Variants in TUBA1A observed in about 807,000 individuals in gnomAD.
TUBA1A encodes the protein tubulin alpha 1a.
Under a neutral mutation model 34.6 loss-of-function variants are expected in TUBA1A, and 7 were observed. The observed-to-expected ratio is 0.20, with a 90% CI of 0.11 to 0.38. The LOEUF (loss-of-function observed/expected upper bound fraction) is 0.38. Among genes scored for constraint, TUBA1A ranks in the 10% least tolerant of loss-of-function variants. The probability of loss-of-function intolerance (pLI) is 1.00; values close to 1 mark genes in which losing one functional copy is unlikely to be tolerated. For synonymous variants in TUBA1A, 193 were observed against 210.2 expected (o/e 0.92, Z 0.71); for missense variants, 19 against 581.3 (o/e 0.03, Z 9.95).
At chr12:49,187,621 T>C in intron 1 of TUBA1A, 1 of 985,054 alleles carries the variant, frequency 1.0e-6, no homozygotes, top group Non-Finnish European at 1.2e-6. Context: ...AAAAAGGTTT[T>C]TCCAGATCTT....
At position 49,188,594 on chromosome 12, in the gene TUBA1A, C is replaced by T. The variant is rs1393016373; in HGVS notation, c.3+383G>A. The T allele has an allele frequency of 1.4e-6, 2 of 1,450,704 alleles. No homozygotes were observed. The highest frequency in any genetic ancestry group is 1.8e-6 in the Non-Finnish European group (2 of 1,105,036). 89.9% of individuals were successfully genotyped at this position (1,450,704 alleles called of 1,614,324 possible). On this transcript the variant is annotated intron_variant, in intron 1 of 3. Transcript: ENST00000301071. The surrounding 1 kb of genome is among the most constrained non-coding windows in gnomAD (Gnocchi z 4.9). ...CTCTCCCGGTCCCCAGAGAACAACG[C>T]GAGACAGAAAGTGGCCCCTCAGCAT...
intron 1 of TUBA1A, chr12:49,187,488 C>G: frequency 1.0e-6 from 1 of 986,198 alleles, no homozygotes; most frequent in Non-Finnish European, 1.2e-6. Flanking sequence ...TCCTCTGACC[C>G]CGCCCGGGAC....
chr12:49,184,869 C>T lies in TUBA1A; in HGVS notation c.*141G>A, dbSNP rs1001712334. On this transcript the variant is annotated 3_prime_UTR_variant, in exon 4 of 4. Coordinates refer to ENST00000301071, the MANE Select transcript of TUBA1A (RefSeq NM_006009.4). Reference sequence around the variant, plus strand: ...CAGCTTGGGTCTGTAACAAAGCATTCATGTTTTAGAGCATAGGTCAGTAAT... The same window carrying T: ...CAGCTTGGGTCTGTAACAAAGCATTTATGTTTTAGAGCATAGGTCAGTAAT... The T allele has an allele frequency of 3.6e-6, 5 of 1,395,042 alleles. No individual in the cohort carries two copies. The African/African-American group carries it at 5.7e-5, about 16-fold the overall frequency. 86.4% of individuals were successfully genotyped at this position (1,395,042 alleles called of 1,614,324 possible).
Position 49,186,938 on chromosome 12 carries a change from A to C in TUBA1A, c.4-105T>G. On this transcript the variant is annotated intron_variant, in intron 1 of 3. Transcript: ENST00000301071. This position sits in a 1 kb window ranked among gnomAD's most constrained non-coding sequence, Gnocchi z 6.6. ...TCTAATAATATACAGATATTTTTCTAAATTATTTGAGGTCATATCCCCAGC... is the reference window on the plus strand; with the variant it reads ...TCTAATAATATACAGATATTTTTCTCAATTATTTGAGGTCATATCCCCAGC... The C allele has an allele frequency of 6.5e-7, 1 of 1,531,932 alleles. No individual in the cohort carries two copies. The highest frequency in any genetic ancestry group is 8.7e-7 in the Non-Finnish European group (1 of 1,144,430). 94.9% of individuals were successfully genotyped at this position (1,531,932 alleles called of 1,614,324 possible). A position where few individuals can be genotyped will look rare whatever the true frequency, so the allele number is the denominator to read the frequency against.
chr12:49,188,367 C>A lies in TUBA1A; in HGVS notation c.3+610G>T, dbSNP rs1458479217. The A allele has an allele frequency of 2.6e-6, 4 of 1,535,232 alleles. No homozygotes were observed. Among genetic ancestry groups the A allele is most frequent in the Non-Finnish European group, 8.7e-7 (1 of 1,146,322 alleles). On this transcript the variant is annotated intron_variant, in intron 1 of 3. Coordinates refer to ENST00000301071, the MANE Select transcript of TUBA1A (RefSeq NM_006009.4). The surrounding 1 kb of genome is among the most constrained non-coding windows in gnomAD (Gnocchi z 4.9). ...TAGAAGCCAGAAACAAACAACCCCG[C>A]CCCTGCGCCGCCCTGACACCCGCTG...
rs777403500 is a variant in TUBA1A, at chr12:49,185,736, A to G, written c.630T>C (p.Tyr210=). 8.7e-6 allele frequency: 14 copies of G among 1,613,986 alleles called. No individual in the cohort carries two copies. In the African/African-American group the frequency reaches 1.9e-4, roughly 22 times the overall value. The change falls in exon 4 of 4, where the codon TAT becomes TAC. Residue 210 remains tyrosine (Y), a synonymous_variant. Transcript: ENST00000301071. ...TATCGAGGTTTCTACGACAGATGTCATAGATGGCCTCATTGTCTACCATGA... is the reference window on the plus strand; with the variant it reads ...TATCGAGGTTTCTACGACAGATGTCGTAGATGGCCTCATTGTCTACCATGA... ...CAFMVDNEAI[Y]DICRRNLDIE... is the part of the protein sequence containing the mutation.
In TUBA1A at chr12:49,188,592, C is replaced by T. The variant is rs1203046310; in HGVS notation, c.3+385G>A. 5 of 1,449,252 alleles carry T rather than the reference C, an allele frequency of 3.5e-6. No homozygotes were observed. The highest frequency in any genetic ancestry group is 4.5e-6 in the Non-Finnish European group (5 of 1,105,006). The allele number at this position is 1,449,252 out of a possible 1,614,324, so 89.8% of individuals were successfully genotyped here. A position where few individuals can be genotyped will look rare whatever the true frequency, so the allele number is the denominator to read the frequency against. On this transcript the variant is annotated intron_variant, in intron 1 of 3. Coordinates refer to ENST00000301071, the MANE Select transcript of TUBA1A (RefSeq NM_006009.4). This position sits in a 1 kb window ranked among gnomAD's most constrained non-coding sequence, Gnocchi z 4.9. ...TCCTCTCCCGGTCCCCAGAGAACAA[C>T]GCGAGACAGAAAGTGGCCCCTCAGC...
rs769212646 is a variant in TUBA1A at position 49,185,373 on chromosome 12, G to A, written c.993C>T (p.Ala331=). 1.9e-6 allele frequency: 3 copies of A among 1,614,192 alleles called. No individual in the cohort carries two copies. The highest frequency in any genetic ancestry group is 2.5e-6 in the Non-Finnish European group (3 of 1,180,030). The part of the protein sequence containing the change: ...GDVVPKDVNA[A]IATIKTKRTI... ...TACGCTTGGTCTTGATGGTGGCAAT[G>A]GCAGCATTGACATCTTTGGGAACCA... is the stretch of plus-strand genomic sequence containing the variant. Residue 331 remains alanine, a synonymous_variant, in exon 4 of 4, where the codon GCC becomes GCT. Transcript: ENST00000301071.
intron 1 of TUBA1A, chr12:49,187,983 C>T (rs1306652049): frequency 1.0e-6 from 1 of 983,112 alleles, no homozygotes; most frequent in Non-Finnish European, 1.2e-6. Flanking sequence ...ACAAAGTGGG[C>T]TTTCTCCCTC....
In TUBA1A at chr12:49,185,634, A is replaced by G; in HGVS notation, c.732T>C (p.Phe244=). 1 of 1,614,042 alleles carries G rather than the reference A, an allele frequency of 6.2e-7. No individual in the cohort carries two copies. The highest frequency in any genetic ancestry group is 1.1e-5 in the South Asian group (1 of 91,080). The change falls in exon 4 of 4, where the codon TTT becomes TTC. Residue 244 remains phenylalanine, a synonymous_variant. Transcript: ENST00000301071. The stretch of plus-strand genomic sequence containing the variant: ...TCAGGTCAACATTCAGGGCTCCATC[A>G]AATCTCAGGGAAGCAGTGATGGAGG... The part of the protein sequence containing the change: ...IVSSITASLR[F]DGALNVDLTE...
rs1333637861 is a variant in TUBA1A, at chr12:49,184,827, C to T, written c.*183G>A. The T allele has an allele frequency of 4.2e-6, 4 of 955,210 alleles. No individual in the cohort carries two copies. The South Asian group carries it at 4.6e-5, about 11-fold the overall frequency. The allele number at this position is 955,210 out of a possible 1,614,324, so 59.2% of individuals were successfully genotyped here. A position where few individuals can be genotyped will look rare whatever the true frequency, so the allele number is the denominator to read the frequency against. On this transcript the variant is annotated 3_prime_UTR_variant, in exon 4 of 4. Transcript: ENST00000301071. ...AAGACAGGGAATACTTTATTCAAAA[C>T]CCATCACAGAAATGGACAGCTTGGG...
chr12:49,187,098 T>C, intron 1 of TUBA1A: 1 of 1,338,860 alleles, frequency 7.5e-7, no homozygotes, highest in Non-Finnish European at 9.6e-7. Context: ...GAATAGAAGA[T>C]TTTTCATATT....
At chr12:49,187,258 C>T in intron 1 of TUBA1A, 1 of 1,104,466 alleles carries the variant, frequency 9.1e-7, no homozygotes, top group Non-Finnish European at 1.1e-6. Context: ...ATCCGGACAT[C>T]TGTACTGCAG....
rs571426354 is a variant in TUBA1A at position 49,184,886 on chromosome 12, G to A, written c.*124C>T. The A allele has an allele frequency of 1.1e-5, 17 of 1,491,486 alleles. No individual in the cohort carries two copies. The East Asian group carries it at 2.3e-4, about 20-fold the overall frequency. 92.4% of individuals were successfully genotyped at this position (1,491,486 alleles called of 1,614,324 possible). A position where few individuals can be genotyped will look rare whatever the true frequency, so the allele number is the denominator to read the frequency against. On this transcript the variant is annotated 3_prime_UTR_variant, in exon 4 of 4. Coordinates refer to ENST00000301071, the MANE Select transcript of TUBA1A (RefSeq NM_006009.4). The stretch of plus-strand genomic sequence containing the variant: ...AAAGCATTCATGTTTTAGAGCATAG[G>A]TCAGTAATTGTATATGAGAGCATAC...
Position 49,186,175 on chromosome 12 carries a change from TA to T in TUBA1A, c.375+134del, listed in dbSNP as rs1158418842. On this transcript the variant is annotated intron_variant, in intron 3 of 3. Coordinates refer to ENST00000301071, the MANE Select transcript of TUBA1A (RefSeq NM_006009.4). The surrounding 1 kb of genome is among the most constrained non-coding windows in gnomAD (Gnocchi z 6.6). Reference sequence around the variant, plus strand: ...CAAATAGTTCATTTTAACTGAATTTTAAAAACCCCAAAAGAATGACTCATTC... The same window carrying T: ...CAAATAGTTCATTTTAACTGAATTTTAAAACCCCAAAAGAATGACTCATTC... 1 of 1,573,094 alleles carries T rather than the reference TA, an allele frequency of 6.4e-7. No individual in the cohort carries two copies. The highest frequency in any genetic ancestry group is 1.9e-5 in the Admixed American group (1 of 53,454).
At position 49,186,237 on chromosome 12, in the gene TUBA1A, TG is replaced by T; in HGVS notation, c.375+72del. On this transcript the variant is annotated intron_variant, in intron 3 of 3. Transcript: ENST00000301071. This position sits in a 1 kb window ranked among gnomAD's most constrained non-coding sequence, Gnocchi z 6.6. ...TAAAATAACAGTTCAATTCTGTGTTTGAAAAAAAAAGCATTATTTCAAATGT... is the reference window on the plus strand; with the variant it reads ...TAAAATAACAGTTCAATTCTGTGTTTAAAAAAAAAGCATTATTTCAAATGT... The T allele has an allele frequency of 1.2e-6, 2 of 1,611,452 alleles. No homozygotes were observed. Among genetic ancestry groups the T allele is most frequent in the South Asian group, 2.2e-5 (2 of 90,978 alleles).
rs998787842 is a variant in TUBA1A at position 49,188,079 on chromosome 12, C to CACAG, written c.3+897_3+898insCTGT. The CACAG allele has an allele frequency of 1.2e-4, 46 of 390,694 alleles. No homozygotes were observed. The highest frequency in any genetic ancestry group is 1.3e-4 in the Non-Finnish European group (41 of 312,246). The allele number at this position is 390,694 out of a possible 1,614,324, so 24.2% of individuals were successfully genotyped here. A position where few individuals can be genotyped will look rare whatever the true frequency, so the allele number is the denominator to read the frequency against. ...CGGTCAGGGCAGGGCGTCCCACAGA[C>CACAG]ACACACACACACACACACACACACA... On this transcript the variant is annotated intron_variant, in intron 1 of 3. Coordinates refer to ENST00000301071, the MANE Select transcript of TUBA1A (RefSeq NM_006009.4). This position sits in a 1 kb window ranked among gnomAD's most constrained non-coding sequence, Gnocchi z 4.9.
At chr12:49,187,344 C>T (rs1942193299) in intron 1 of TUBA1A, 4 of 1,036,968 alleles carry the variant, frequency 3.9e-6, no homozygotes, top group South Asian at 6.6e-5. Context: ...CAAGGTCTGC[C>T]TTCTGCATTG....
At position 49,186,920 on chromosome 12, in the gene TUBA1A, A is replaced by G; in HGVS notation, c.4-87T>C. 1 of 1,548,406 alleles carries G rather than the reference A, an allele frequency of 6.5e-7. No individual in the cohort carries two copies. The highest frequency in any genetic ancestry group is 8.7e-7 in the Non-Finnish European group (1 of 1,149,876). ...GGAAATTTCAAAAATATTTCTAATA[A>G]TATACAGATATTTTTCTAAATTATT... On this transcript the variant is annotated intron_variant, in intron 1 of 3. Coordinates refer to ENST00000301071, the MANE Select transcript of TUBA1A (RefSeq NM_006009.4). The surrounding 1 kb of genome is among the most constrained non-coding windows in gnomAD (Gnocchi z 6.6).
Sources: gnomAD v4.1 joint callset for allele counts on GRCh38, gnomAD v4.1.1 for gene constraint, Gnocchi (gnomAD v3.1) non-coding constraint, MANE v1.5 for transcripts, NCBI Gene and HGNC (gene_info 2026-07-23, HGNC 2026-07-21) for gene names.